PTPRD: variants seen among roughly 807,000 people sequenced by gnomAD.
PTPRD encodes the protein receptor-type tyrosine-protein phosphatase delta.
Under a neutral mutation model 214.5 loss-of-function variants are expected in PTPRD, and 34 were observed. The ratio of observed to expected loss-of-function variants is 0.16; its 90% CI spans 0.12 to 0.21. PTPRD has a LOEUF of 0.21. Ranked by LOEUF, PTPRD falls within the 10% of genes least tolerant of loss-of-function variation. The probability of loss-of-function intolerance (pLI) is 1.00; values close to 1 mark genes in which losing one functional copy is unlikely to be tolerated. For missense variants in PTPRD, 2,545 were observed against 2,398.7 expected (o/e 1.06, Z -1.27); for synonymous variants, 1,128 against 845.7 (o/e 1.33, Z -5.79).
chr9:9,559,451 C>A (rs1289959578), intron 8 of PTPRD, among the ~76,000 whole-genome samples: 1 of 152,234 alleles, frequency 6.6e-6, no homozygotes, highest in African/African-American at 2.4e-5. Flanking sequence ...CCAAAACTAT[C>A]TGTGGTCACA....
At chr9:10,016,388 G>GATAT (rs2096715378) in intron 4 of PTPRD, among the ~76,000 whole-genome samples, 1 of 141,364 alleles carries the variant, frequency 7.1e-6, no homozygotes, top group South Asian at 2.3e-4. Context: ...TAGATAGATA[G>GATAT]ATAGATAGAC....
chr9:10,394,366 C>A (rs2098130320), intron 2 of PTPRD, among the ~76,000 whole-genome samples: 1 of 151,324 alleles, frequency 6.6e-6, no homozygotes, highest in South Asian at 2.1e-4. Flanking sequence ...ACAACTGGAT[C>A]AAGCCCTTAT....
chr9:9,021,078 A>T (rs1284986653), intron 10 of PTPRD, among the ~76,000 whole-genome samples: 2 of 152,180 alleles, frequency 1.3e-5, no homozygotes, highest in African/African-American at 4.8e-5. Context: ...ATTATCCTCA[A>T]AGGTCTCTAA....
At chr9:8,351,224 A>G (rs921735003) in intron 39 of PTPRD, among the ~76,000 whole-genome samples, 6 of 152,216 alleles carry the variant, frequency 3.9e-5, no homozygotes, top group Admixed American at 3.9e-4. Flanking sequence ...AACAATATAT[A>G]TAACATAACA....
At chr9:8,578,391 GAGTTT>G (rs1296476827) in intron 14 of PTPRD, among the ~76,000 whole-genome samples, 1 of 139,596 alleles carries the variant, frequency 7.2e-6, no homozygotes, top group East Asian at 2.1e-4. Context: ...TTATTAAACA[GAGTTT>G]AATGTTTGCC....
chr9:9,597,687 G>T (rs1358943877), intron 7 of PTPRD, among the ~76,000 whole-genome samples: 1 of 151,992 alleles, frequency 6.6e-6, no homozygotes, highest in Non-Finnish European at 1.5e-5. Context: ...GTGGAAAAAA[G>T]ATATGTAATT....
At chr9:10,422,347 A>AT (rs1181825893) in intron 2 of PTPRD, among the ~76,000 whole-genome samples, 1 of 152,100 alleles carries the variant, frequency 6.6e-6, no homozygotes, top group Non-Finnish European at 1.5e-5. Context: ...ACCTGAAACC[A>AT]TAAAAACCAT....
At chr9:9,753,758 A>C (rs1002121068) in intron 6 of PTPRD, among the ~76,000 whole-genome samples, 1 of 151,982 alleles carries the variant, frequency 6.6e-6, no homozygotes, top group Admixed American at 6.6e-5. Context: ...TGGGCCTCTA[A>C]ATTTTAAATT....
chr9:9,597,382 G>A (rs2093431791), intron 7 of PTPRD, among the ~76,000 whole-genome samples: 1 of 151,976 alleles, frequency 6.6e-6, no homozygotes, highest in Non-Finnish European at 1.5e-5. Context: ...GCAAGTCATG[G>A]GAACTGGCTT....
chr9:8,942,653 C>T (rs1345076737), intron 11 of PTPRD, among the ~76,000 whole-genome samples: 1 of 151,006 alleles, frequency 6.6e-6, no homozygotes, highest in African/African-American at 2.5e-5. Flanking sequence ...ATACAGGGGT[C>T]AAAGCTAATT....
At chr9:9,077,251 C>T (rs1347979410) in intron 10 of PTPRD, among the ~76,000 whole-genome samples, 1 of 149,824 alleles carries the variant, frequency 6.7e-6, no homozygotes, top group Non-Finnish European at 1.5e-5. Context: ...ATATTTTCTT[C>T]CATTCTGTGG....
At chr9:8,525,058 G>A (rs2139202710) in intron 17 of PTPRD, 23 bp from the exon 18 acceptor site, 1 of 1,577,222 alleles carries the variant, frequency 6.3e-7, no homozygotes, top group East Asian at 2.2e-5. Context: ...AAAATATATT[G>A]CCAAAGAGAT....
At chr9:10,474,792 C>A (rs2099052374) in intron 2 of PTPRD, among the ~76,000 whole-genome samples, 1 of 152,088 alleles carries the variant, frequency 6.6e-6, no homozygotes, top group African/African-American at 2.4e-5. Flanking sequence ...GTCACTCAGA[C>A]CACAGTGCAA....
chr9:8,665,888 G>T (rs2097159959), intron 12 of PTPRD, among the ~76,000 whole-genome samples: 1 of 152,172 alleles, frequency 6.6e-6, no homozygotes, highest in Non-Finnish European at 1.5e-5. Flanking sequence ...TTAATTATCT[G>T]ATAAGATACA....
chr9:10,130,826 G>A (rs149786125), intron 3 of PTPRD, among the ~76,000 whole-genome samples: 6 of 152,064 alleles, frequency 3.9e-5, no homozygotes, highest in African/African-American at 1.4e-4. Context: ...CTTTACGTTA[G>A]GCAGAGGCAC....
intron 8 of PTPRD, among the ~76,000 whole-genome samples, chr9:9,453,712 A>G (rs754993486): frequency 6.6e-6 from 1 of 151,800 alleles, no homozygotes; most frequent in South Asian, 2.1e-4. Context: ...AACATAAACT[A>G]AAAGGTAAAT....
intron 8 of PTPRD, among the ~76,000 whole-genome samples, chr9:9,498,922 G>C (rs2096296056): frequency 6.6e-6 from 1 of 151,584 alleles, no homozygotes; most frequent in African/African-American, 2.4e-5. Context: ...TCTTTAAAGA[G>C]TTTAGGCTTA....
At chr9:10,216,314 T>G (rs762612344) in intron 3 of PTPRD, among the ~76,000 whole-genome samples, 1 of 151,824 alleles carries the variant, frequency 6.6e-6, no homozygotes, top group Admixed American at 6.6e-5. Context: ...CGGAAGGGGT[T>G]AGAGAGCTTC....
At chr9:9,047,135 G>C (rs2099674187) in intron 10 of PTPRD, among the ~76,000 whole-genome samples, 3 of 151,570 alleles carry the variant, frequency 2.0e-5, no homozygotes, top group Non-Finnish European at 3.0e-5. Context: ...ATCTGAAAAA[G>C]AAATAAAAAA....
Sources: gnomAD v4.1 joint callset for allele counts (sites outside exome capture counted in the v4.1 genomes callset) on GRCh38, gnomAD v4.1.1 for gene constraint, MANE v1.5 for transcripts, NCBI Gene and HGNC (gene_info 2026-07-23, HGNC 2026-07-21) for gene names.